AFG1L: variants seen among roughly 807,000 people sequenced by gnomAD.
The protein encoded by AFG1L is AFG1 like ATPase.
In AFG1L, 53 loss-of-function variants were observed where a neutral mutation model predicts 62.2. The observed-to-expected ratio is 0.85, with a 90% CI of 0.68 to 1.07. AFG1L has a LOEUF of 1.07. Ranked by LOEUF, AFG1L falls within the 50% of genes least tolerant of loss-of-function variation. AFG1L has a pLI of 0.00. For missense variants in AFG1L, 555 were observed against 590.5 expected (o/e 0.94, Z 0.62); for synonymous variants, 228 against 210.3 (o/e 1.08, Z -0.73).
rs150639825 is a variant in AFG1L, at chr6:108,485,485, T to G, written c.1062+8193T>G. Among the ~76,000 whole-genome samples the G allele has an allele frequency of 5.1e-3, 766 of 151,030 alleles. 9 individuals carry two copies. The highest frequency in any genetic ancestry group is 0.018 in the African/African-American group (737 of 41,052). On this transcript the variant is annotated intron_variant, in intron 10 of 12. Transcript: ENST00000368977. The stretch of plus-strand genomic sequence containing the variant: ...ATCTAGTAGTAGACACAAGTCCTCA[T>G]GTTTGTTTTCAGGTCACTTCTACTC...
At chr6:108,476,787 C>A in intron 8 of AFG1L, 78 bp from the exon 9 acceptor site, 1 of 995,220 alleles carries the variant, frequency 1.0e-6, no homozygotes, top group Admixed American at 1.9e-5. Context: ...GGGCAAAAAG[C>A]TAAGCAGTCT....
chr6:108,478,021 A>C (rs1209081491), intron 10 of AFG1L, among the ~76,000 whole-genome samples: 1 of 152,224 alleles, frequency 6.6e-6, no homozygotes, highest in East Asian at 1.9e-4. Flanking sequence ...GACATGCTTA[A>C]TTTATCATTC....
intron 10 of AFG1L, among the ~76,000 whole-genome samples, chr6:108,488,169 C>G (rs898955521): frequency 3.3e-5 from 5 of 152,168 alleles, no homozygotes; most frequent in Non-Finnish European, 7.4e-5. Context: ...TAATATTTTA[C>G]TCACACTTCT....
At chr6:108,332,875 G>C (rs1778328898) in intron 2 of AFG1L, among the ~76,000 whole-genome samples, 2 of 152,152 alleles carry the variant, frequency 1.3e-5, no homozygotes, top group Non-Finnish European at 2.9e-5. Flanking sequence ...CCAAAGTGCT[G>C]GGGTTACCGG....
chr6:108,477,833 C>T (rs1173944601), intron 10 of AFG1L, among the ~76,000 whole-genome samples: 1 of 152,096 alleles, frequency 6.6e-6, no homozygotes, highest in South Asian at 2.1e-4. Context: ...GCTGTATATG[C>T]ACACATTCAT....
chr6:108,496,731 T>TA (rs138737073), intron 10 of AFG1L, among the ~76,000 whole-genome samples: 4 of 151,984 alleles, frequency 2.6e-5, no homozygotes, highest in East Asian at 3.9e-4. Flanking sequence ...CTGACAAATC[T>TA]AAAAAAAATG....
At chr6:108,354,818 T>C (rs1185099709) in intron 3 of AFG1L, among the ~76,000 whole-genome samples, 1 of 152,156 alleles carries the variant, frequency 6.6e-6, no homozygotes, top group Non-Finnish European at 1.5e-5. Context: ...TTTTAGACTA[T>C]GGTTGATTGT....
chr6:108,522,133 T>C, intron 12 of AFG1L, 164 bp from the exon 13 acceptor site: 1 of 508,196 alleles, frequency 2.0e-6, no homozygotes, highest in Non-Finnish European at 3.5e-6. Flanking sequence ...TTAAATTGGT[T>C]GACTCTCTAG....
At chr6:108,477,491 G>A (rs1773158875) in intron 10 of AFG1L, among the ~76,000 whole-genome samples, 199 bp downstream of exon 10, 1 of 152,214 alleles carries the variant, frequency 6.6e-6, no homozygotes, top group Admixed American at 6.5e-5. Context: ...ACTTAGAGGG[G>A]CTCTAATGCA....
chr6:108,377,706 T>C (rs1780307419), intron 6 of AFG1L, among the ~76,000 whole-genome samples: 1 of 152,110 alleles, frequency 6.6e-6, no homozygotes, highest in Non-Finnish European at 1.5e-5. Context: ...TTGGACAGTA[T>C]GGTGACTATA....
At chr6:108,343,128 G>A (rs1011956829) in intron 2 of AFG1L, among the ~76,000 whole-genome samples, 2 of 151,028 alleles carry the variant, frequency 1.3e-5, no homozygotes, top group African/African-American at 4.9e-5. Context: ...GCAATGGTGC[G>A]ATCTTGGCTT....
chr6:108,311,919 A>G (rs1020826433), intron 1 of AFG1L, among the ~76,000 whole-genome samples: 1 of 151,658 alleles, frequency 6.6e-6, no homozygotes, highest in Admixed American at 6.6e-5. Flanking sequence ...GGCTTGAGTA[A>G]AGTGGTACGA....
intron 6 of AFG1L, among the ~76,000 whole-genome samples, chr6:108,374,051 C>G (rs1288981061): frequency 1.3e-5 from 2 of 152,078 alleles, no homozygotes; most frequent in Non-Finnish European, 2.9e-5. Context: ...GAGATGGTAT[C>G]TCATTGTGGT....
At chr6:108,395,590 C>A (rs1781259079) in intron 6 of AFG1L, among the ~76,000 whole-genome samples, 1 of 151,744 alleles carries the variant, frequency 6.6e-6, no homozygotes, top group Non-Finnish European at 1.5e-5. Context: ...TTTGTACAGA[C>A]AGAGTTTCAC....
chr6:108,389,179 T>C (rs929231650), intron 6 of AFG1L, among the ~76,000 whole-genome samples: 1 of 152,078 alleles, frequency 6.6e-6, no homozygotes, highest in South Asian at 2.1e-4. Context: ...AGTCTGTTTT[T>C]TGAGAGACTA....
At chr6:108,306,830 C>T (rs1323789052) in intron 1 of AFG1L, among the ~76,000 whole-genome samples, 1 of 152,132 alleles carries the variant, frequency 6.6e-6, no homozygotes, top group East Asian at 1.9e-4. Context: ...TATATTCCTT[C>T]AAGTATGGTC....
At chr6:108,505,343 C>T (rs767623073) in intron 10 of AFG1L, among the ~76,000 whole-genome samples, 119 of 152,228 alleles carry the variant, frequency 7.8e-4, no homozygotes, top group African/African-American at 2.7e-3. Flanking sequence ...CCACTCGCCT[C>T]GGCCTCCCAA....
At chr6:108,384,788 TATA>T (rs1780693307) in intron 6 of AFG1L, among the ~76,000 whole-genome samples, 1 of 151,600 alleles carries the variant, frequency 6.6e-6, no homozygotes, top group Non-Finnish European at 1.5e-5. Context: ...AACTATAAAA[TATA>T]ATATCTTATA....
intron 2 of AFG1L, among the ~76,000 whole-genome samples, chr6:108,338,337 T>G (rs919556517): frequency 1.3e-5 from 2 of 151,992 alleles, no homozygotes; most frequent in African/African-American, 4.8e-5. Flanking sequence ...TGAGAAAACT[T>G]TTTCCTCCAT....
Sources: allele counts gnomAD v4.1 joint callset (sites outside exome capture counted in the v4.1 genomes callset), GRCh38; gene constraint gnomAD v4.1.1; transcripts MANE v1.5; gene names NCBI Gene and HGNC (gene_info 2026-07-23, HGNC 2026-07-21).